The following MEF2C variants were observed in gnomAD, a reference collection of about 807,000 sequenced individuals.
MEF2C encodes the protein myocyte enhancer factor 2C, also known as myocyte-specific enhancer factor 2C.
MEF2C carries 6 observed loss-of-function variants against 50.5 expected under a neutral mutation model. That is an observed-to-expected ratio of 0.12 (90% CI 0.07 to 0.23). MEF2C has a LOEUF of 0.23. MEF2C is among the 10% of genes least tolerant of loss of function. MEF2C has a pLI of 1.00. For missense variants in MEF2C, 276 were observed against 605.0 expected, an observed-to-expected ratio of 0.46 and a Z score of 5.70; for synonymous variants, 183 against 228.0, an observed-to-expected ratio of 0.80 and a Z score of 1.78.
intron 4 of MEF2C, among the ~76,000 whole-genome samples, chr5:88,758,831 C>T (rs1219681660): frequency 6.6e-6 from 1 of 152,218 alleles, no homozygotes; most frequent in Non-Finnish European, 1.5e-5. Context: ...CCACACACCA[C>T]TGCACCCCTT....
intron 1 of MEF2C, chr5:88,843,433 G>A (rs1818153224): frequency 1.0e-6 from 1 of 984,796 alleles, no homozygotes; most frequent in South Asian, 4.7e-5. Context: ...ATTCTATTGA[G>A]ACATTGCAAA....
chr5:88,771,743 G>T, intron 3 of MEF2C: 1 of 293,898 alleles, frequency 3.4e-6, no homozygotes, highest in Non-Finnish European at 5.0e-6. Flanking sequence ...CTTGTAGAGT[G>T]ACAGTACTAT....
intron 1 of MEF2C, among the ~76,000 whole-genome samples, chr5:88,893,036 T>C (rs1834758775): frequency 6.6e-6 from 1 of 152,216 alleles, no homozygotes; most frequent in African/African-American, 2.4e-5. Flanking sequence ...GTACCATTTC[T>C]TGAAAAACAG....
intron 1 of MEF2C, among the ~76,000 whole-genome samples, chr5:88,873,708 ATTTTT>A (rs199642010): frequency 2.3e-4 from 22 of 93,810 alleles, no homozygotes; most frequent in African/African-American, 7.0e-4. Context: ...GTCGTCACGG[ATTTTT>A]TTTTTTTTTT....
intron 6 of MEF2C, chr5:88,738,253 C>T: frequency 5.1e-6 from 5 of 985,268 alleles, no homozygotes; most frequent in Non-Finnish European, 6.0e-6. Context: ...CTGAGGCAGT[C>T]ATTGACAATC....
At chr5:88,862,534 T>C (rs1182411292) in intron 1 of MEF2C, among the ~76,000 whole-genome samples, 1 of 152,166 alleles carries the variant, frequency 6.6e-6, no homozygotes, top group East Asian at 1.9e-4. Context: ...TTTTATTCTT[T>C]TAGAACAAGA....
intron 2 of MEF2C, among the ~76,000 whole-genome samples, chr5:88,810,523 T>A (rs1215552722): frequency 1.8e-5 from 2 of 111,708 alleles, no homozygotes; most frequent in Non-Finnish European, 3.5e-5. Context: ...TCAGGATGAC[T>A]GAGTTTGTTC....
At chr5:88,807,100 C>A (rs534862712) in intron 2 of MEF2C, among the ~76,000 whole-genome samples, 19 of 152,162 alleles carry the variant, frequency 1.2e-4, no homozygotes, top group African/African-American at 3.1e-4. Context: ...AATAATTACA[C>A]TATTTTATCA....
chr5:88,786,409 A>C (rs1460776671), intron 3 of MEF2C, among the ~76,000 whole-genome samples: 2 of 152,216 alleles, frequency 1.3e-5, no homozygotes, highest in Admixed American at 1.3e-4. Context: ...ACAGGCATGT[A>C]ACAATTTTCC....
intron 6 of MEF2C, among the ~76,000 whole-genome samples, chr5:88,745,556 T>C (rs1769034582): frequency 6.6e-6 from 1 of 152,244 alleles, no homozygotes; most frequent in Non-Finnish European, 1.5e-5. Flanking sequence ...ACGCCTGTAA[T>C]CCTAGCACTT....
At position 88,717,703 on chromosome 5, in the gene MEF2C, C is replaced by CT. The variant is rs1329228926; in HGVS notation, c.*4900dup. On this transcript the variant is annotated 3_prime_UTR_variant, in exon 11 of 11. Transcript: ENST00000504921. ...TTTTTAAATTAATCTTTCTATCAAT[C>CT]TTTTTAAGGACATTCCCCTTTAGAG... 2.0e-5 allele frequency: 3 copies of CT among 152,110 alleles called. No individual in the cohort carries two copies. In the East Asian group the frequency reaches 5.8e-4, roughly 29 times the overall value. 9.4% of individuals were successfully genotyped at this position (152,110 alleles called of 1,614,324 possible).
intron 1 of MEF2C, among the ~76,000 whole-genome samples, chr5:88,837,002 C>CAA (rs10692741): frequency 0.37 from 31,987 of 86,416 alleles, 6,340 homozygotes; most frequent in South Asian, 0.47. Context: ...AGCTGTTTCT[C>CAA]AAAAAAAAAA....
At chr5:88,842,793 G>A (rs1481857724) in intron 1 of MEF2C, among the ~76,000 whole-genome samples, 1 of 152,150 alleles carries the variant, frequency 6.6e-6, no homozygotes, top group African/African-American at 2.4e-5. Flanking sequence ...GTGCTTATGA[G>A]AATCTAAATA....
At chr5:88,740,636 T>C (rs1340346445) in intron 6 of MEF2C, 1 of 984,854 alleles carries the variant, frequency 1.0e-6, no homozygotes, top group African/African-American at 1.8e-5. Flanking sequence ...ATCCTTGTAT[T>C]TGCAAATAAG....
intron 2 of MEF2C, among the ~76,000 whole-genome samples, chr5:88,811,436 G>A (rs1013138036): frequency 6.6e-5 from 10 of 152,074 alleles, no homozygotes; most frequent in African/African-American, 2.4e-4. Context: ...TATCAAGGAA[G>A]GTGTAGAAGG....
At chr5:88,737,942 T>C (rs1467304120) in intron 6 of MEF2C, 2 of 985,352 alleles carry the variant, frequency 2.0e-6, no homozygotes, top group Non-Finnish European at 1.2e-6. Flanking sequence ...GGAACAATGA[T>C]GGCAGTGGAA....
intron 6 of MEF2C, chr5:88,742,967 A>C: frequency 2.1e-6 from 2 of 973,282 alleles, no homozygotes. Flanking sequence ...AAATAATAAT[A>C]ATAAAGCAAT....
At chr5:88,809,470 AAT>A (rs1217356250) in intron 2 of MEF2C, among the ~76,000 whole-genome samples, 1 of 152,166 alleles carries the variant, frequency 6.6e-6, no homozygotes, top group Non-Finnish European at 1.5e-5. Flanking sequence ...TACATAAAAT[AAT>A]ATCTCCCTTG....
chr5:88,738,361 C>A, intron 6 of MEF2C: 1 of 985,246 alleles, frequency 1.0e-6, no homozygotes, highest in Non-Finnish European at 1.2e-6. Flanking sequence ...CAGAAGAGTA[C>A]CAGGCACTTG....
Sources: gnomAD v4.1 joint callset for allele counts (sites outside exome capture counted in the v4.1 genomes callset) on GRCh38, gnomAD v4.1.1 for gene constraint, MANE v1.5 for transcripts, NCBI Gene and HGNC (gene_info 2026-07-23, HGNC 2026-07-21) for gene names.